Variants in AHNAK observed in about 807,000 individuals in gnomAD.
AHNAK encodes neuroblast differentiation-associated protein AHNAK.
Under a neutral mutation model 37.8 loss-of-function variants are expected in AHNAK, and 23 were observed. The observed-to-expected ratio is 0.61, with a 90% CI of 0.44 to 0.86. The LOEUF (loss-of-function observed/expected upper bound fraction) is 0.86, where lower values mean the gene tolerates loss of function less well. Among genes scored for constraint, AHNAK ranks in the 40% least tolerant of loss-of-function variants. AHNAK has a pLI of 0.00. For synonymous variants in AHNAK, 2,481 were observed against 2,636.3 expected (o/e 0.94, Z 1.80); for missense variants, 7,411 against 7,319.4 (o/e 1.01, Z -0.46).
chr11:62,515,016 G>A (rs576562317), downstream of AHNAK, among the ~76,000 whole-genome samples: 61 of 152,290 alleles, frequency 4.0e-4, no homozygotes, highest in Admixed American at 7.8e-4. Context: ...GGAATGGCGA[G>A]GGGGACAAGC....
intron 1 of AHNAK, among the ~76,000 whole-genome samples, chr11:62,542,858 T>G (rs1352774880): frequency 6.6e-6 from 1 of 152,132 alleles, no homozygotes; most frequent in African/African-American, 2.4e-5. Flanking sequence ...TCTTGCCCTG[T>G]GGGGTAGATT....
rs1229807845 is a variant in AHNAK, at chr11:62,519,883, T to C, written c.14534A>G (p.Lys4845Arg). The C allele has an allele frequency of 6.2e-7, 1 of 1,614,040 alleles. No individual in the cohort carries two copies. Among genetic ancestry groups the C allele is most frequent in the African/African-American group, 1.3e-5 (1 of 75,000 alleles). The change falls in exon 5 of 5, where the codon AAA becomes AGA. Residue 4845 changes from lysine (K) to arginine (R), a missense_variant. Coordinates refer to ENST00000378024, the MANE Select transcript of AHNAK (RefSeq NM_001620.3). ...ATCAGGTATGGAGATCTTGGGAGCT[T>C]TGATATTTATTTCAGGCATCTTGAA... ...PKFKMPEINI[K>R]APKISIPDVD...
chr11:62,539,095 C>T (rs1292763560), intron 1 of AHNAK, among the ~76,000 whole-genome samples: 2 of 152,188 alleles, frequency 1.3e-5, no homozygotes, highest in Non-Finnish European at 2.9e-5. Flanking sequence ...GGCGAAAACA[C>T]CTCCTCCCTT....
chr11:62,532,664 C>CT lies in AHNAK; in HGVS notation c.1752dup (p.Gly585ArgfsTer18), dbSNP rs1386044130. ...CTGGGGAGTGTGACATCTACACCCCCTTTCACTTTAGGTGCGGCCACATTT... is the reference window on the plus strand; with the variant it reads ...CTGGGGAGTGTGACATCTACACCCCCTTTTCACTTTAGGTGCGGCCACATTT... On this transcript the variant is annotated frameshift_variant, in exon 5 of 5. Coordinates refer to ENST00000378024, the MANE Select transcript of AHNAK (RefSeq NM_001620.3). LOFTEE classifies it low-confidence loss of function (END_TRUNC). The CT allele has an allele frequency of 6.2e-7, 1 of 1,614,082 alleles. No individual in the cohort carries two copies.
chr11:62,521,387 C>G lies in AHNAK; in HGVS notation c.13030G>C (p.Asp4344His), dbSNP rs768309225. Residue 4344 changes from aspartate (D) to histidine (H), a missense_variant, in exon 5 of 5, where the codon GAC becomes CAC. Physicochemically the swap from Asp to His is moderately conservative, Grantham distance 81. Coordinates refer to ENST00000378024, the MANE Select transcript of AHNAK (RefSeq NM_001620.3). ...ACTTTGGGGCCAGAAATCTCAATGT[C>G]AGCCTTAGGAAGGGTAACATCCACA... ...PDVDVTLPKA[D>H]IEISGPKVDI... is the part of the protein sequence containing the mutation. The G allele has an allele frequency of 6.8e-6, 11 of 1,613,982 alleles. No individual in the cohort carries two copies. The highest frequency in any genetic ancestry group is 1.7e-5 in the Admixed American group (1 of 60,010).
chr11:62,544,976 T>G (rs1941260158), intron 1 of AHNAK, among the ~76,000 whole-genome samples: 1 of 152,040 alleles, frequency 6.6e-6, no homozygotes, highest in African/African-American at 2.4e-5. Flanking sequence ...AATCCGAGGT[T>G]GGATTCTAAT....
At position 62,543,015 on chromosome 11, in the gene AHNAK, C is replaced by T. The variant is rs181437844; in HGVS notation, c.-100+3645G>A. On this transcript the variant is annotated intron_variant, in intron 1 of 4. Coordinates refer to ENST00000378024, the MANE Select transcript of AHNAK (RefSeq NM_001620.3). ...CTGTCGCTGAAGAGCTACCCCCGAG[C>T]CCCGCCAGGACACGTAGCTGTAGAC... 4.4e-4 allele frequency among the ~76,000 whole-genome samples: 67 copies of T among 152,294 alleles called. 1 individual carries two copies. The East Asian group carries it at 0.013, about 29-fold the overall frequency.
intron 4 of AHNAK, among the ~76,000 whole-genome samples, chr11:62,506,762 A>G (rs1312658425): frequency 6.6e-6 from 1 of 152,082 alleles, no homozygotes; most frequent in Non-Finnish European, 1.5e-5. Flanking sequence ...TTATTATTAT[A>G]GTGGAAGAGT....
rs757188642 is a variant in AHNAK at position 62,531,566 on chromosome 11, C to T, written c.2851G>A (p.Val951Met). 10 of 1,614,102 alleles carry T rather than the reference C, an allele frequency of 6.2e-6. No individual in the cohort carries two copies. The highest frequency in any genetic ancestry group is 2.7e-5 in the African/African-American group (2 of 74,926). ...IKAPKISMPDVDLHMKGPKVK... is the reference protein window; with the variant it reads ...IKAPKISMPDMDLHMKGPKVK... ...TTAGGACCTTTCATATGCAAGTCCA[C>T]ATCAGGCATGGAGATCTTGGGGGCC... Residue 951 changes from valine to methionine, a missense_variant, in exon 5 of 5, where the codon GTG (valine) becomes ATG (methionine). By Grantham distance (21) the Val-to-Met change is conservative. Transcript: ENST00000378024.
rs146597645 is a variant in AHNAK, at chr11:62,523,550, C to T, written c.10867G>A (p.Asp3623Asn). The change falls in exon 5 of 5, where the codon GAT becomes AAT. Residue 3623 changes from aspartate (D) to asparagine (N), a missense_variant. Coordinates refer to ENST00000378024, the MANE Select transcript of AHNAK (RefSeq NM_001620.3). ...PGFKGEGPEV[D>N]VTLPKADIDI... is the part of the protein sequence containing the mutation. The stretch of plus-strand genomic sequence containing the variant: ...ATGTCAGCTTTAGGGAGGGTAACAT[C>T]GACTTCAGGGCCTTCTCCTTTGAAG... 2.5e-5 allele frequency: 40 copies of T among 1,613,922 alleles called. No homozygotes were observed. Among genetic ancestry groups the T allele is most frequent in the East Asian group, 6.7e-5 (3 of 44,878 alleles).
intron 1 of AHNAK, among the ~76,000 whole-genome samples, chr11:62,541,552 A>T (rs2134265880): frequency 6.6e-6 from 1 of 152,230 alleles, no homozygotes; most frequent in East Asian, 1.9e-4. Context: ...ATAAACACTC[A>T]ACAGGAGGCA....
chr11:62,440,541 G>A (rs1590580053), intron 5 of AHNAK, among the ~76,000 whole-genome samples: 1 of 152,168 alleles, frequency 6.6e-6, no homozygotes, highest in Non-Finnish European at 1.5e-5. Context: ...CCGTTTCTGA[G>A]CCTCTAGTGG....
At position 62,517,808 on chromosome 11, in the gene AHNAK, C is replaced by A. The variant is rs1376097766; in HGVS notation, c.16609G>T (p.Ala5537Ser). 4 of 1,614,198 alleles carry A rather than the reference C, an allele frequency of 2.5e-6. No homozygotes were observed. Among genetic ancestry groups the A allele is most frequent in the Non-Finnish European group, 3.4e-6 (4 of 1,180,028 alleles). Residue 5537 changes from alanine (A) to serine (S), a missense_variant, in exon 5 of 5, where the codon GCT becomes TCT. By Grantham distance (99) the Ala-to-Ser change is moderately conservative. Coordinates refer to ENST00000378024, the MANE Select transcript of AHNAK (RefSeq NM_001620.3). Reference protein sequence around the residue: ...LKGSEVGFHGAAPDISVKGPA... With the variant: ...LKGSEVGFHGSAPDISVKGPA... ...CCCTTCACACTGATATCAGGAGCAG[C>A]CCCATGGAAACCTACTTCTGAACCT...
Position 62,517,322 on chromosome 11 carries a change from C to A in AHNAK, c.17095G>T (p.Glu5699Ter). The A allele has an allele frequency of 2.5e-6, 4 of 1,614,160 alleles. No homozygotes were observed. Among genetic ancestry groups the A allele is most frequent in the South Asian group, 1.1e-5 (1 of 91,078 alleles). ...AGTTTGACTTCAGACTCTTCCCACT[C>A]GCCGTCTCCAGCACCAGCTTGGATG... The part of the protein sequence containing the change: ...ASIQAGAGDG[E>*]WEESEVKLKK... The change falls in exon 5 of 5, where the codon GAG becomes TAG. Residue 5699 changes from glutamate (E) to a stop codon, truncating the protein, a stop_gained. Transcript: ENST00000378024. LOFTEE classifies it high-confidence loss of function.
At position 62,519,437 on chromosome 11, in the gene AHNAK, G is replaced by A; in HGVS notation, c.14980C>T (p.Pro4994Ser). Residue 4994 changes from proline (P) to serine (S), a missense_variant, in exon 5 of 5, where the codon CCT becomes TCT. By Grantham distance (74) the Pro-to-Ser change is moderately conservative. Transcript: ENST00000378024. Reference sequence around the variant, plus strand: ...TCAGGAACAGTGACATCCAGTGAAGGTGACTTGATGTCAGCTTTGGGGCTT... The same window carrying A: ...TCAGGAACAGTGACATCCAGTGAAGATGACTTGATGTCAGCTTTGGGGCTT... ...AKSPKADIKS[P>S]SLDVTVPEAE... is the part of the protein sequence containing the mutation. The A allele has an allele frequency of 6.2e-7, 1 of 1,611,366 alleles. No individual in the cohort carries two copies. Among genetic ancestry groups the A allele is most frequent in the African/African-American group, 1.3e-5 (1 of 74,778 alleles).
chr11:62,524,517 C>T lies in AHNAK; in HGVS notation c.9900G>A (p.Leu3300=). 6.2e-7 allele frequency: 1 copy of T among 1,614,058 alleles called. No homozygotes were observed. Among genetic ancestry groups the T allele is most frequent in the South Asian group, 1.1e-5 (1 of 91,070 alleles). ...MPKISMPEID[L]NLKGSKLKGD... The stretch of plus-strand genomic sequence containing the variant: ...CCTTAAGCTTTGAGCCTTTCAAATT[C>T]AAGTCAATTTCTGGCATGGAGATCT... Residue 3300 remains leucine, a synonymous_variant, in exon 5 of 5, where the codon TTG becomes TTA. Transcript: ENST00000378024.
Position 62,518,644 on chromosome 11 carries a change from T to C in AHNAK, c.15773A>G (p.Gln5258Arg). The C allele has an allele frequency of 6.2e-7, 1 of 1,614,220 alleles. No homozygotes were observed. Among genetic ancestry groups the C allele is most frequent in the South Asian group, 1.1e-5 (1 of 91,078 alleles). ...CAAGTCTCCTTCAAGAGAGGGTAGC[T>C]GGGCATGGACCTCGGCTCCCCCACC... ...MEGGGAEVHAQLPSLEGDLRG... is the reference protein window; with the variant it reads ...MEGGGAEVHARLPSLEGDLRG... The change falls in exon 5 of 5, where the codon CAG (glutamine) becomes CGG (arginine). Residue 5258 changes from glutamine (Q) to arginine (R), a missense_variant. By Grantham distance (43) the Gln-to-Arg change is conservative. Coordinates refer to ENST00000378024, the MANE Select transcript of AHNAK (RefSeq NM_001620.3).
Position 62,531,738 on chromosome 11 carries a change from C to T in AHNAK, c.2679G>A (p.Glu893=), listed in dbSNP as rs1402356300. The T allele has an allele frequency of 1.2e-6, 2 of 1,614,046 alleles. No individual in the cohort carries two copies. Among genetic ancestry groups the T allele is most frequent in the African/African-American group, 1.3e-5 (1 of 74,972 alleles). The part of the protein sequence containing the change: ...PKFSMPGFKA[E]GPEVDVNLPK... ...GCAGGTTCACATCCACTTCTGGGCC[C>T]TCTGCTTTGAAGCCAGGCATGCTGA... is the stretch of plus-strand genomic sequence containing the variant. Residue 893 remains glutamate, a synonymous_variant, in exon 5 of 5, where the codon GAG becomes GAA. Transcript: ENST00000378024.
intron 5 of AHNAK, among the ~76,000 whole-genome samples, chr11:62,454,412 C>CAAAAA (rs5792260): frequency 3.2e-5 from 4 of 126,108 alleles, no homozygotes; most frequent in South Asian, 2.7e-4. Context: ...GACTCCATCT[C>CAAAAA]AAAAAAAAAA....
Sources: allele counts gnomAD v4.1 joint callset (sites outside exome capture counted in the v4.1 genomes callset), GRCh38; gene constraint gnomAD v4.1.1; transcripts MANE v1.5; gene names NCBI Gene and HGNC (gene_info 2026-07-23, HGNC 2026-07-21).